Variants in CEP57L1 observed in about 807,000 individuals in gnomAD.
The protein encoded by CEP57L1 is centrosomal protein 57 like 1.
Under a neutral mutation model 61.0 loss-of-function variants are expected in CEP57L1, and 37 were observed. That is an observed-to-expected ratio of 0.61 (90% CI 0.47 to 0.80). The LOEUF (loss-of-function observed/expected upper bound fraction) is 0.80, where lower values mean the gene tolerates loss of function less well. Among genes scored for constraint, CEP57L1 ranks in the 30% least tolerant of loss-of-function variants. The pLI, the probability that CEP57L1 is intolerant of heterozygous loss-of-function variation, is 0.00. For missense variants in CEP57L1, 422 were observed against 524.7 expected (o/e 0.80, Z 1.91); for synonymous variants, 137 against 162.3 (o/e 0.84, Z 1.19).
intron 2 of CEP57L1, among the ~76,000 whole-genome samples, chr6:109,145,829 G>A (rs1037279539): frequency 3.3e-5 from 5 of 151,824 alleles, no homozygotes; most frequent in African/African-American, 7.2e-5. Context: ...GTATTTTAAC[G>A]TTTAAAATAG....
chr6:109,158,650 A>G (rs1163808574), intron 7 of CEP57L1: 1 of 464,892 alleles, frequency 2.2e-6, no homozygotes. Context: ...GTACATTTTT[A>G]GTTTTATAAG....
chr6:109,117,214 G>C (rs915882458), intron 1 of CEP57L1, among the ~76,000 whole-genome samples: 1 of 152,052 alleles, frequency 6.6e-6, no homozygotes, highest in Non-Finnish European at 1.5e-5. Flanking sequence ...AAATATCATG[G>C]ATTTATATAT....
At chr6:109,148,105 TTTTTATTTTA>T (rs559715373) in intron 3 of CEP57L1, among the ~76,000 whole-genome samples, 1 of 152,062 alleles carries the variant, frequency 6.6e-6, no homozygotes, top group Non-Finnish European at 1.5e-5. Flanking sequence ...TTATTTTGTC[TTTTTATTTTA>T]TTTTATTTTA....
chr6:109,104,039 TG>T (rs1332420399), intron 1 of CEP57L1, among the ~76,000 whole-genome samples: 2 of 150,800 alleles, frequency 1.3e-5, no homozygotes, highest in Admixed American at 6.6e-5. Context: ...CTTTAGTTTT[TG>T]TTTTTTTTTT....
At chr6:109,143,594 A>T (rs1359108683) in intron 1 of CEP57L1, among the ~76,000 whole-genome samples, 1 of 152,086 alleles carries the variant, frequency 6.6e-6, no homozygotes, top group East Asian at 1.9e-4. Context: ...TAATTTAAAT[A>T]AACTGTAGTC....
chr6:109,157,531 A>T (rs1472737659), intron 7 of CEP57L1: 2 of 152,232 alleles, frequency 1.3e-5, no homozygotes, highest in Non-Finnish European at 2.9e-5. Context: ...GAGCAATATT[A>T]AAGGAAGCCT....
intron 1 of CEP57L1, among the ~76,000 whole-genome samples, chr6:109,102,229 C>T (rs116258067): frequency 1.3e-5 from 2 of 151,918 alleles, no homozygotes; most frequent in East Asian, 1.9e-4. Context: ...GCAGGGTCTC[C>T]CTAGGTCACC....
chr6:109,166,691 T>C lies in CEP57L1; in HGVS notation c.*3721T>C, dbSNP rs1220633743. 6.6e-6 allele frequency among the ~76,000 whole-genome samples: 1 copy of C among 152,118 alleles called. No homozygotes were observed. The highest frequency in any genetic ancestry group is 1.5e-5 in the Non-Finnish European group (1 of 67,992). On this transcript the variant is annotated 3_prime_UTR_variant, in exon 11 of 11. Coordinates refer to ENST00000517392, the MANE Select transcript of CEP57L1 (RefSeq NM_001271852.3). ...AGCCACTGCGCCCAGCCTAAATGTGTATTCTTATCCATGATAAGAGATCAA... is the reference window on the plus strand; with the variant it reads ...AGCCACTGCGCCCAGCCTAAATGTGCATTCTTATCCATGATAAGAGATCAA...
intron 5 of CEP57L1, among the ~76,000 whole-genome samples, chr6:109,154,922 CT>C: frequency 6.6e-6 from 1 of 152,116 alleles, no homozygotes; most frequent in South Asian, 2.1e-4. Context: ...CCTGCTACAC[CT>C]TTAGTACCCT....
chr6:109,104,872 C>T (rs1019162738), intron 1 of CEP57L1, among the ~76,000 whole-genome samples: 1 of 152,166 alleles, frequency 6.6e-6, no homozygotes, highest in Non-Finnish European at 1.5e-5. Context: ...CAGACATGAG[C>T]CACTGCACTG....
At chr6:109,140,830 T>TTTTA (rs1370901296) in intron 1 of CEP57L1, among the ~76,000 whole-genome samples, 7 of 152,016 alleles carry the variant, frequency 4.6e-5, no homozygotes, top group Admixed American at 1.3e-4. Flanking sequence ...TTTTAGAGTT[T>TTTTA]TTTATTTATT....
intron 1 of CEP57L1, among the ~76,000 whole-genome samples, chr6:109,098,847 GT>G (rs2114531704): frequency 6.6e-6 from 1 of 152,272 alleles, no homozygotes; most frequent in East Asian, 1.9e-4. Flanking sequence ...GGAAGCAAGG[GT>G]GGAAGCAGAG....
chr6:109,165,217 C>T lies in CEP57L1; in HGVS notation c.*2247C>T, dbSNP rs1201585121. ...TTGGTTTCAAATTCTGGGACTCTACCATTTAATAGCTTGGACAAGTCAGAT... is the reference window on the plus strand; with the variant it reads ...TTGGTTTCAAATTCTGGGACTCTACTATTTAATAGCTTGGACAAGTCAGAT... On this transcript the variant is annotated 3_prime_UTR_variant, in exon 11 of 11. Transcript: ENST00000517392. Among the ~76,000 whole-genome samples, 1 of 151,998 alleles carries T rather than the reference C, an allele frequency of 6.6e-6. No homozygotes were observed. The highest frequency in any genetic ancestry group is 1.5e-5 in the Non-Finnish European group (1 of 68,008).
chr6:109,116,633 T>G lies in CEP57L1; in HGVS notation c.-4+21058T>G, dbSNP rs146017306. Among the ~76,000 whole-genome samples, 359 of 152,282 alleles carry G rather than the reference T, an allele frequency of 2.4e-3. 1 individual carries two copies. Among genetic ancestry groups the G allele is most frequent in the African/African-American group, 8.3e-3 (343 of 41,562 alleles). On this transcript the variant is annotated intron_variant, in intron 1 of 10. Coordinates refer to ENST00000517392, the MANE Select transcript of CEP57L1 (RefSeq NM_001271852.3). The stretch of plus-strand genomic sequence containing the variant: ...TATCCAAGAGAAACTTTGTCTAAAG[T>G]ATAGTATTATTGACTGGAGAAATAA...
intron 1 of CEP57L1, among the ~76,000 whole-genome samples, chr6:109,111,928 G>A (rs887470752): frequency 1.3e-5 from 2 of 152,206 alleles, no homozygotes; most frequent in South Asian, 2.1e-4. Flanking sequence ...CAGCTTGCCA[G>A]CATTTTATTG....
rs755113322 is a variant in CEP57L1 at position 109,146,841 on chromosome 6, A to G, written c.244A>G (p.Ile82Val). 1.2e-6 allele frequency: 2 copies of G among 1,611,238 alleles called. No individual in the cohort carries two copies. Among genetic ancestry groups the G allele is most frequent in the Non-Finnish European group, 1.7e-6 (2 of 1,178,546 alleles). ...ERTQAEDNLN[I>V]LSREAAQYKK... ...AACACAAGCTGAAGATAACCTGAACATTCTTTCCAGAGAAGCAGCACAGTA... is the reference window on the plus strand; with the variant it reads ...AACACAAGCTGAAGATAACCTGAACGTTCTTTCCAGAGAAGCAGCACAGTA... The change falls in exon 3 of 11, where the codon ATT becomes GTT. Residue 82 changes from isoleucine (I) to valine (V), a missense_variant. Coordinates refer to ENST00000517392, the MANE Select transcript of CEP57L1 (RefSeq NM_001271852.3).
chr6:109,160,528 G>A, intron 9 of CEP57L1, 44 bp from the exon 10 acceptor site: 1 of 1,418,508 alleles, frequency 7.0e-7, no homozygotes, highest in South Asian at 1.3e-5. Flanking sequence ...AGAAATATAT[G>A]CAATAAACTA....
chr6:109,106,324 A>G (rs1770930752), intron 1 of CEP57L1, among the ~76,000 whole-genome samples: 1 of 152,160 alleles, frequency 6.6e-6, no homozygotes, highest in African/African-American at 2.4e-5. Flanking sequence ...TCCTACAGAT[A>G]ACAATTTTTA....
intron 1 of CEP57L1, among the ~76,000 whole-genome samples, chr6:109,136,554 A>G (rs961772514): frequency 3.4e-5 from 3 of 89,184 alleles, no homozygotes; most frequent in South Asian, 3.8e-4. Flanking sequence ...CCCTAAAACT[A>G]TAAGTATAAA....
Sources: allele counts gnomAD v4.1 joint callset (sites outside exome capture counted in the v4.1 genomes callset), GRCh38; gene constraint gnomAD v4.1.1; transcripts MANE v1.5; gene names NCBI Gene and HGNC (gene_info 2026-07-23, HGNC 2026-07-21).